The following COL8A1 variants were observed in gnomAD, a reference collection of about 807,000 sequenced individuals.
COL8A1 encodes the protein collagen alpha-1(VIII) chain.
In COL8A1, 21 loss-of-function variants were observed where a neutral mutation model predicts 42.7. That is an observed-to-expected ratio of 0.49 (90% CI 0.35 to 0.71). The LOEUF is 0.71. Among genes scored for constraint, COL8A1 ranks in the 30% least tolerant of loss-of-function variants. The pLI is 0.01. For synonymous variants in COL8A1, 367 were observed against 369.1 expected, an observed-to-expected ratio of 0.99 and a Z score of 0.06; for missense variants, 788 against 962.4, an observed-to-expected ratio of 0.82 and a Z score of 2.40.
At chr3:99,760,373 G>A (rs1264404251) in intron 2 of COL8A1, among the ~76,000 whole-genome samples, 2 of 152,162 alleles carry the variant, frequency 1.3e-5, no homozygotes, top group African/African-American at 4.8e-5. Context: ...GAGGCAGAGG[G>A]AGGAGTACAA....
chr3:99,790,773 T>C lies in COL8A1; in HGVS notation c.91T>C (p.Tyr31His). ...SIRLIQAGAY[Y>H]GIKPLPPQIP... ...CAGGCTCATTCAGGCTGGTGCCTAC[T>C]ATGGGATCAAGCCGCTGCCACCTCA... Residue 31 changes from tyrosine (Y) to histidine (H), a missense_variant, in exon 3 of 4, where the codon TAT becomes CAT. This residue lies in a region of COL8A1 where 421 missense variants were observed against 553.1 expected (regional missense o/e 0.76). Coordinates refer to ENST00000652472, the MANE Select transcript of COL8A1 (RefSeq NM_020351.4). The C allele has an allele frequency of 1.2e-6, 2 of 1,614,194 alleles. No individual in the cohort carries two copies. Among genetic ancestry groups the C allele is most frequent in the Non-Finnish European group, 1.7e-6 (2 of 1,180,042 alleles).
At chr3:99,680,026 A>T (rs1217718404) in intron 1 of COL8A1, 1 of 152,092 alleles carries the variant, frequency 6.6e-6, no homozygotes, top group Non-Finnish European at 1.5e-5. Context: ...TTTAAGTTCT[A>T]GGGTACATGT....
At chr3:99,712,746 A>C (rs1939876598) in intron 1 of COL8A1, among the ~76,000 whole-genome samples, 1 of 152,130 alleles carries the variant, frequency 6.6e-6, no homozygotes, top group Non-Finnish European at 1.5e-5. Context: ...GCTTTCCAAA[A>C]GTGGAGTGAC....
At chr3:99,743,923 G>A (rs1009758928) in intron 1 of COL8A1, among the ~76,000 whole-genome samples, 1 of 151,142 alleles carries the variant, frequency 6.6e-6, no homozygotes, top group Admixed American at 6.6e-5. Context: ...AGCAAATGTA[G>A]ATAATTCTTT....
intron 1 of COL8A1, among the ~76,000 whole-genome samples, chr3:99,640,746 A>T (rs1937491735): frequency 6.6e-6 from 1 of 152,212 alleles, no homozygotes; most frequent in Non-Finnish European, 1.5e-5. Context: ...ACCAAGCAAG[A>T]TGACACTGCT....
intron 1 of COL8A1, among the ~76,000 whole-genome samples, chr3:99,696,714 C>T (rs2107341096): frequency 6.6e-6 from 1 of 152,264 alleles, no homozygotes; most frequent in East Asian, 1.9e-4. Flanking sequence ...ATTAATGCAG[C>T]ATCATAACAG....
intron 2 of COL8A1, among the ~76,000 whole-genome samples, chr3:99,765,496 C>T (rs1348360025): frequency 6.6e-6 from 1 of 152,198 alleles, no homozygotes; most frequent in African/African-American, 2.4e-5. Context: ...AAAGTATATG[C>T]ACCAGTCTAA....
At chr3:99,680,646 C>T (rs904018674) in intron 1 of COL8A1, among the ~76,000 whole-genome samples, 11 of 152,142 alleles carry the variant, frequency 7.2e-5, no homozygotes, top group African/African-American at 2.7e-4. Context: ...TCCACATCCT[C>T]TCCAGCACCT....
chr3:99,714,758 G>A (rs1036106424), intron 1 of COL8A1, among the ~76,000 whole-genome samples: 1 of 152,036 alleles, frequency 6.6e-6, no homozygotes, highest in Non-Finnish European at 1.5e-5. Context: ...TCACACTCTA[G>A]TGGAAAGACA....
At chr3:99,741,614 C>A (rs1048481282) in intron 1 of COL8A1, among the ~76,000 whole-genome samples, 3 of 152,048 alleles carry the variant, frequency 2.0e-5, no homozygotes, top group Admixed American at 1.3e-4. Flanking sequence ...TGTTTAGTAC[C>A]CTGGCAGTGA....
At chr3:99,758,095 C>A (rs1310861857) in intron 2 of COL8A1, among the ~76,000 whole-genome samples, 3 of 152,074 alleles carry the variant, frequency 2.0e-5, no homozygotes, top group African/African-American at 4.8e-5. Context: ...TAAAATAAAT[C>A]TTTCTCATCT....
At chr3:99,781,735 T>C (rs1941797416) in intron 2 of COL8A1, among the ~76,000 whole-genome samples, 1 of 152,146 alleles carries the variant, frequency 6.6e-6, no homozygotes, top group South Asian at 2.1e-4. Context: ...GTAACAGTGT[T>C]CTGCAGTCCT....
chr3:99,722,764 G>A (rs1349478527), intron 1 of COL8A1, among the ~76,000 whole-genome samples: 1 of 152,114 alleles, frequency 6.6e-6, no homozygotes, highest in Non-Finnish European at 1.5e-5. Flanking sequence ...GAGCTAGGAA[G>A]TGACCATCAC....
chr3:99,669,228 T>A (rs985066467), intron 1 of COL8A1, among the ~76,000 whole-genome samples: 2 of 149,428 alleles, frequency 1.3e-5, no homozygotes, highest in African/African-American at 4.9e-5. Context: ...ATCTGCCACA[T>A]AAATTTACAG....
chr3:99,712,475 T>G (rs1939864921), intron 1 of COL8A1, among the ~76,000 whole-genome samples: 2 of 152,150 alleles, frequency 1.3e-5, no homozygotes, highest in South Asian at 2.1e-4. Context: ...CTGTCGGACA[T>G]CCGGGCTCAT....
intron 1 of COL8A1, chr3:99,703,336 A>C: frequency 6.6e-6 from 1 of 152,380 alleles, no homozygotes; most frequent in Admixed American, 6.5e-5. Context: ...GAAGTCACAC[A>C]GACGGTGAAT....
At chr3:99,716,915 CTAAT>C (rs1166605428) in intron 1 of COL8A1, among the ~76,000 whole-genome samples, 1 of 151,896 alleles carries the variant, frequency 6.6e-6, no homozygotes, top group Non-Finnish European at 1.5e-5. Flanking sequence ...ACTCAAAATC[CTAAT>C]TATTTCCAAG....
intron 2 of COL8A1, among the ~76,000 whole-genome samples, chr3:99,767,071 A>G (rs1941479011): frequency 6.6e-6 from 1 of 152,208 alleles, no homozygotes; most frequent in South Asian, 2.1e-4. Context: ...TACCTTAACA[A>G]TAATAAGTGT....
intron 2 of COL8A1, among the ~76,000 whole-genome samples, chr3:99,767,458 C>T (rs149595054): frequency 2.0e-5 from 3 of 152,302 alleles, no homozygotes; most frequent in African/African-American, 7.2e-5. Flanking sequence ...TCTTCAGGAA[C>T]AGCAATAACT....
Sources: gnomAD v4.1 joint callset for allele counts (sites outside exome capture counted in the v4.1 genomes callset) on GRCh38, gnomAD v4.1.1 for gene constraint, gnomAD v4.1.1 regional missense constraint, MANE v1.5 for transcripts, NCBI Gene and HGNC (gene_info 2026-07-23, HGNC 2026-07-21) for gene names.